Variants in DST observed in about 807,000 individuals in gnomAD.
The protein encoded by DST is bullous pemphigoid antigen.
DST carries 253 observed loss-of-function variants against 875.2 expected under a neutral mutation model. That is an observed-to-expected ratio of 0.29 (90% CI 0.26 to 0.32). DST has a LOEUF of 0.32. Among genes scored for constraint, DST ranks in the 10% least tolerant of loss-of-function variants. The probability of loss-of-function intolerance (pLI) is 1.00; values close to 1 mark genes in which losing one functional copy is unlikely to be tolerated. For missense variants in DST, 8,287 were observed against 9,111.6 expected (o/e 0.91, Z 3.68); for synonymous variants, 3,124 against 3,197.1 (o/e 0.98, Z 0.77).
At chr6:56,497,305 T>C (rs2095949828) in intron 82 of DST, 74 bp downstream of exon 82, 4 of 1,531,482 alleles carry the variant, frequency 2.6e-6, no homozygotes, top group African/African-American at 1.4e-5. Context: ...CCACGATTTA[T>C]GTATCGCCAG....
chr6:56,695,126 C>CAAAAAAAAAAAA lies in DST; in HGVS notation c.1047+4515_1047+4526dup, dbSNP rs34456344. On this transcript the variant is annotated intron_variant, in intron 9 of 103. Transcript: ENST00000680361. ...TGGGCGACAGAGCGAGACTCCCTCT[C>CAAAAAAAAAAAA]AAAAAAAAAAAAAAAAAAAAAGAGT... 3.6e-4 allele frequency among the ~76,000 whole-genome samples: 25 copies of CAAAAAAAAAAAA among 70,050 alleles called. 1 individual carries two copies. The highest frequency in any genetic ancestry group is 9.4e-3 in the Middle Eastern group (1 of 106). 46.0% of individuals were successfully genotyped at this position (70,050 alleles called of 152,430 possible).
intron 36 of DST, chr6:56,618,919 T>G: frequency 6.2e-7 from 1 of 1,614,184 alleles, no homozygotes. Context: ...CCTGAGCTTG[T>G]TGTAGCTGAA....
intron 43 of DST, chr6:56,602,084 T>C: frequency 1.8e-5 from 6 of 339,490 alleles, no homozygotes; most frequent in South Asian, 1.4e-4. Context: ...TTTGAGGGAT[T>C]TGAAATATGA....
intron 102 of DST, 26 bp downstream of exon 102, chr6:56,463,020 G>A: frequency 7.3e-7 from 1 of 1,361,848 alleles, no homozygotes; most frequent in African/African-American, 1.4e-5. Context: ...AGAATGTTAA[G>A]ACTGGACTCT....
At chr6:56,627,578 G>A (rs1481860322) in intron 33 of DST, among the ~76,000 whole-genome samples, 1 of 152,196 alleles carries the variant, frequency 6.6e-6, no homozygotes, top group African/African-American at 2.4e-5. Flanking sequence ...AATAGAGCTA[G>A]AGATGATTGG....
At chr6:56,900,248 A>G (rs985109184) in intron 3 of DST, among the ~76,000 whole-genome samples, 173 bp downstream of exon 3, 8 of 152,232 alleles carry the variant, frequency 5.3e-5, no homozygotes, top group Non-Finnish European at 1.0e-4. Context: ...ATCCTAGAAC[A>G]TTCTATGAAA....
At chr6:56,765,801 G>A (rs1398618210) in intron 4 of DST, among the ~76,000 whole-genome samples, 1 of 152,200 alleles carries the variant, frequency 6.6e-6, no homozygotes, top group Non-Finnish European at 1.5e-5. Context: ...TATCAGGAAT[G>A]GAGCTATGAC....
chr6:56,527,515 C>T lies in DST; in HGVS notation c.17900G>A (p.Ser5967Asn). ...ETQVLKGEEA[S>N]QAQMRPKELK... ...TACCTTTGGTCTCATTTGTGCTTGACTTGCTTCTTCTCCTTTCAGAACCTG... is the reference window on the plus strand; with the variant it reads ...TACCTTTGGTCTCATTTGTGCTTGATTTGCTTCTTCTCCTTTCAGAACCTG... The change falls in exon 68 of 104, where the codon AGT becomes AAT. Residue 5967 changes from serine (S) to asparagine (N), a missense_variant. Transcript: ENST00000680361. 1 of 1,613,508 alleles carries T rather than the reference C, an allele frequency of 6.2e-7. No homozygotes were observed. The highest frequency in any genetic ancestry group is 8.5e-7 in the Non-Finnish European group (1 of 1,179,676).
At chr6:56,507,860 C>T (rs1159517130) in intron 75 of DST, among the ~76,000 whole-genome samples, 2 of 151,988 alleles carry the variant, frequency 1.3e-5, no homozygotes, top group African/African-American at 4.8e-5. Flanking sequence ...GGCAGCAACA[C>T]AGTAAGAGCA....
At chr6:56,636,344 ATG>A (rs750982586) in intron 23 of DST, among the ~76,000 whole-genome samples, 1 of 150,358 alleles carries the variant, frequency 6.7e-6, no homozygotes, top group Non-Finnish European at 1.5e-5. Context: ...ATGTATATGT[ATG>A]TGTATATATA....
rs188320825 is a variant in DST at position 56,701,024 on chromosome 6, G to A, written c.954+864C>T. Among the ~76,000 whole-genome samples the A allele has an allele frequency of 3.3e-3, 428 of 130,058 alleles. 1 individual carries two copies. Among genetic ancestry groups the A allele is most frequent in the African/African-American group, 0.012 (402 of 33,080 alleles). 85.3% of individuals were successfully genotyped at this position (130,058 alleles called of 152,430 possible). On this transcript the variant is annotated intron_variant, in intron 8 of 103. Coordinates refer to ENST00000680361, the MANE Select transcript of DST (RefSeq NM_001374736.1). ...AGACAGGGTCTCATTCTGTTACCCCGGCTGGAGTGCAATATTGCAATCATG... is the reference window on the plus strand; with the variant it reads ...AGACAGGGTCTCATTCTGTTACCCCAGCTGGAGTGCAATATTGCAATCATG...
At position 56,607,444 on chromosome 6, in the gene DST, C is replaced by T; in HGVS notation, c.7184G>A (p.Ser2395Asn). The T allele has an allele frequency of 6.2e-7, 1 of 1,606,774 alleles. No homozygotes were observed. The highest frequency in any genetic ancestry group is 8.5e-7 in the Non-Finnish European group (1 of 1,176,048). Residue 2395 changes from serine to asparagine, a missense_variant, in exon 40 of 104, where the codon AGT becomes AAT. Coordinates refer to ENST00000680361, the MANE Select transcript of DST (RefSeq NM_001374736.1). The part of the protein sequence containing the change: ...SHSKNIQNFP[S>N]DLIENPIMKS... ...CATAATAGGATTTTCTATTAAATCA[C>T]TTGGAAAGTTTTGAATGTTTTTAGA...
chr6:56,587,303 G>A (rs1039961405), intron 49 of DST, among the ~76,000 whole-genome samples: 2 of 152,198 alleles, frequency 1.3e-5, no homozygotes, highest in African/African-American at 2.4e-5. Context: ...CTGGAAGAAA[G>A]GGTATCAGCG....
chr6:56,847,579 T>C (rs114019726), intron 4 of DST, among the ~76,000 whole-genome samples: 2,594 of 152,246 alleles, frequency 0.017, 76 homozygotes, highest in African/African-American at 0.058. Flanking sequence ...TTTACACCCA[T>C]CTCCCTACCT....
intron 4 of DST, among the ~76,000 whole-genome samples, chr6:56,794,672 C>G (rs2099736666): frequency 6.6e-6 from 1 of 152,148 alleles, no homozygotes; most frequent in Non-Finnish European, 1.5e-5. Flanking sequence ...GCCCAACCCC[C>G]AGGAGGCTGG....
chr6:56,622,897 T>C (rs1291391484), intron 36 of DST, among the ~76,000 whole-genome samples: 1 of 152,234 alleles, frequency 6.6e-6, no homozygotes, highest in Non-Finnish European at 1.5e-5. Flanking sequence ...GCATCCATCT[T>C]TGATTTTATG....
At chr6:56,900,716 C>T in intron 2 of DST, 95 bp from the exon 3 acceptor site, 1 of 962,654 alleles carries the variant, frequency 1.0e-6, no homozygotes, top group South Asian at 1.5e-5. Context: ...CCAAAAGTCA[C>T]TATATTCAGT....
At chr6:56,692,831 C>T (rs914223194) in intron 9 of DST, 11 of 1,289,708 alleles carry the variant, frequency 8.5e-6, no homozygotes, top group South Asian at 6.2e-5. Flanking sequence ...TTCTGTTTAA[C>T]GCTGTCAGCT....
At chr6:56,692,942 C>G (rs756427967) in intron 9 of DST, 28 of 1,289,752 alleles carry the variant, frequency 2.2e-5, no homozygotes, top group Non-Finnish European at 6.1e-6. Context: ...GCTGGCTGTT[C>G]TTTTGAAGGC....
Sources: gnomAD v4.1 joint callset for allele counts (sites outside exome capture counted in the v4.1 genomes callset) on GRCh38, gnomAD v4.1.1 for gene constraint, MANE v1.5 for transcripts, NCBI Gene and HGNC (gene_info 2026-07-23, HGNC 2026-07-21) for gene names.